The following ENPP6 variants were observed in gnomAD, a reference collection of about 807,000 sequenced individuals.
ENPP6 encodes ectonucleotide pyrophosphatase/phosphodiesterase 6.
A neutral mutation model predicts 42.0 loss-of-function variants in ENPP6; 32 were observed. The ratio of observed to expected loss-of-function variants is 0.76; its 90% CI spans 0.58 to 1.02. ENPP6 has a LOEUF of 1.02. ENPP6 is among the 50% of genes least tolerant of loss of function. ENPP6 has a pLI of 0.00. For synonymous variants in ENPP6, 213 were observed against 216.0 expected (o/e 0.99, Z 0.12); for missense variants, 552 against 566.8 (o/e 0.97, Z 0.27).
At chr4:184,098,635 G>A (rs1735950369) in intron 6 of ENPP6, among the ~76,000 whole-genome samples, 1 of 152,122 alleles carries the variant, frequency 6.6e-6, no homozygotes, top group Non-Finnish European at 1.5e-5. Context: ...ATGGGTTCCG[G>A]AACCATCACT....
chr4:184,197,767 C>T (rs1004698890), intron 1 of ENPP6, among the ~76,000 whole-genome samples: 1 of 152,146 alleles, frequency 6.6e-6, no homozygotes, highest in Non-Finnish European at 1.5e-5. Flanking sequence ...CAGAAAAATG[C>T]ATGCTAAAAT....
At chr4:184,149,356 A>G (rs904208059) in intron 2 of ENPP6, among the ~76,000 whole-genome samples, 7 of 152,208 alleles carry the variant, frequency 4.6e-5, no homozygotes, top group African/African-American at 1.4e-4. Flanking sequence ...TTCTTCACCA[A>G]TAGCCACTGC....
At position 184,157,485 on chromosome 4, in the gene ENPP6, C is replaced by A. The variant is rs1560995751; in HGVS notation, c.242-3752G>T. On this transcript the variant is annotated intron_variant, in intron 1 of 7. Coordinates refer to ENST00000296741, the MANE Select transcript of ENPP6 (RefSeq NM_153343.4). ...TTCTTTCCTTCCTTTCCTTTCTTTC[C>A]TTCCTTTCCTTTCTTTCCTCTTTTT... Among the ~76,000 whole-genome samples, 6 of 134,838 alleles carry A rather than the reference C, an allele frequency of 4.4e-5. No homozygotes were observed. In the South Asian group the frequency reaches 1.4e-3, roughly 32 times the overall value. The allele number at this position is 134,838 out of a possible 152,430, so 88.5% of individuals were successfully genotyped here.
intron 1 of ENPP6, among the ~76,000 whole-genome samples, chr4:184,168,136 A>G (rs1737387832): frequency 6.6e-6 from 1 of 152,142 alleles, no homozygotes; most frequent in African/African-American, 2.4e-5. Context: ...CAGAGTTCAA[A>G]TCCCATCCCA....
intron 1 of ENPP6, among the ~76,000 whole-genome samples, chr4:184,162,807 C>A (rs563997703): frequency 6.6e-6 from 1 of 151,974 alleles, no homozygotes; most frequent in East Asian, 1.9e-4. Context: ...TCACTCAAGG[C>A]CCTGGCAATA....
chr4:184,118,326 A>G (rs1004621544), intron 3 of ENPP6, among the ~76,000 whole-genome samples: 11 of 152,330 alleles, frequency 7.2e-5, no homozygotes, highest in South Asian at 2.1e-4. Flanking sequence ...GTGGTGACTT[A>G]CTATAGTGAG....
intron 1 of ENPP6, among the ~76,000 whole-genome samples, chr4:184,170,799 T>C (rs1356398728): frequency 6.6e-6 from 1 of 152,202 alleles, no homozygotes; most frequent in Non-Finnish European, 1.5e-5. Context: ...TTAAAGTGGA[T>C]TGGTGGGTTT....
chr4:184,136,180 A>C (rs552907726), intron 2 of ENPP6, among the ~76,000 whole-genome samples: 6 of 86,304 alleles, frequency 7.0e-5, no homozygotes, highest in African/African-American at 1.6e-4. Flanking sequence ...TGGAAATATT[A>C]GTCTATTAAA....
chr4:184,122,365 C>A (rs779215010), intron 3 of ENPP6, among the ~76,000 whole-genome samples: 8 of 151,994 alleles, frequency 5.3e-5, no homozygotes, highest in Non-Finnish European at 1.2e-4. Flanking sequence ...GCCCTTTCTT[C>A]CTGGTGGAAC....
At chr4:184,148,310 G>T (rs187816184) in intron 2 of ENPP6, among the ~76,000 whole-genome samples, 1 of 152,146 alleles carries the variant, frequency 6.6e-6, no homozygotes, top group Non-Finnish European at 1.5e-5. Context: ...TTGGAAGTTC[G>T]TCCCTGGATT....
chr4:184,135,783 GT>G (rs1736721970), intron 2 of ENPP6, among the ~76,000 whole-genome samples: 2 of 152,146 alleles, frequency 1.3e-5, no homozygotes, highest in Non-Finnish European at 1.5e-5. Flanking sequence ...TGGCCATCAC[GT>G]GTGGGCACCT....
rs563604120 is a variant in ENPP6 at position 184,170,560 on chromosome 4, T to G, written c.242-16827A>C. The stretch of plus-strand genomic sequence containing the variant: ...CATTTTATTAATTCTTGTCTATTTA[T>G]TTATGGAGGGAACTGGGTCATCTGT... On this transcript the variant is annotated intron_variant, in intron 1 of 7. Coordinates refer to ENST00000296741, the MANE Select transcript of ENPP6 (RefSeq NM_153343.4). Among the ~76,000 whole-genome samples, 320 of 152,344 alleles carry G rather than the reference T, an allele frequency of 2.1e-3. 14 individuals carry two copies. In the South Asian group the frequency reaches 0.063, roughly 30 times the overall value.
At chr4:184,185,230 G>A (rs1561004520) in intron 1 of ENPP6, among the ~76,000 whole-genome samples, 2 of 152,156 alleles carry the variant, frequency 1.3e-5, no homozygotes, top group South Asian at 4.1e-4. Context: ...GACAGTCCTG[G>A]TTTACACCGG....
chr4:184,195,443 C>T lies in ENPP6; in HGVS notation c.241+22136G>A, dbSNP rs571412030. Among the ~76,000 whole-genome samples the T allele has an allele frequency of 2.0e-5, 3 of 152,328 alleles. No individual in the cohort carries two copies. In the South Asian group the frequency reaches 6.2e-4, roughly 32 times the overall value. On this transcript the variant is annotated intron_variant, in intron 1 of 7. Coordinates refer to ENST00000296741, the MANE Select transcript of ENPP6 (RefSeq NM_153343.4). ...ATGGTCTCCAGCTTCATCCATGTCC[C>T]TGCAAAGGACATGATTAACCATTTT...
intron 1 of ENPP6, among the ~76,000 whole-genome samples, chr4:184,201,132 G>T (rs1732889028): frequency 6.6e-6 from 1 of 152,124 alleles, no homozygotes. Context: ...AGGACCCCCA[G>T]CTCTGCCCCA....
intron 1 of ENPP6, among the ~76,000 whole-genome samples, chr4:184,168,906 C>T (rs541942115): frequency 6.4e-4 from 97 of 152,286 alleles, no homozygotes; most frequent in Non-Finnish European, 1.2e-3. Context: ...GTGCCCCCCG[C>T]TTCCTCATTC....
chr4:184,124,016 A>G (rs1736460603), intron 3 of ENPP6, 145 bp downstream of exon 3: 1 of 544,242 alleles, frequency 1.8e-6, no homozygotes, highest in Admixed American at 3.5e-5. Flanking sequence ...ACTCCCTACT[A>G]GCAGTTAACA....
chr4:184,208,907 T>A (rs1338453105), intron 1 of ENPP6, among the ~76,000 whole-genome samples: 1 of 144,166 alleles, frequency 6.9e-6, no homozygotes, highest in Non-Finnish European at 1.5e-5. Flanking sequence ...GCAGACTGCC[T>A]CCTCAAGTGG....
At chr4:184,149,588 A>G (rs1736988739) in intron 2 of ENPP6, among the ~76,000 whole-genome samples, 1 of 152,064 alleles carries the variant, frequency 6.6e-6, no homozygotes, top group African/African-American at 2.4e-5. Flanking sequence ...CCAGACCCAC[A>G]CCCAACACCA....
Sources: allele counts gnomAD v4.1 joint callset (sites outside exome capture counted in the v4.1 genomes callset), GRCh38; gene constraint gnomAD v4.1.1; transcripts MANE v1.5; gene names NCBI Gene and HGNC (gene_info 2026-07-23, HGNC 2026-07-21).